Variants in KLHL14 observed in about 807,000 individuals in gnomAD.
KLHL14 encodes kelch-like protein 14.
A neutral mutation model predicts 64.3 loss-of-function variants in KLHL14; 22 were observed. The observed-to-expected ratio is 0.34, with a 90% CI of 0.24 to 0.49. The LOEUF (loss-of-function observed/expected upper bound fraction) is 0.49. Ranked by LOEUF, KLHL14 falls within the 20% of genes least tolerant of loss-of-function variation. KLHL14 has a pLI of 0.99. For synonymous variants in KLHL14, 322 were observed against 333.4 expected (o/e 0.97, Z 0.37); for missense variants, 661 against 789.0 (o/e 0.84, Z 1.94).
At chr18:32,764,231 C>T (rs139917262) in intron 2 of KLHL14, among the ~76,000 whole-genome samples, 85 of 152,222 alleles carry the variant, frequency 5.6e-4, no homozygotes, top group Middle Eastern at 3.4e-3. Context: ...ATTTAAGCCT[C>T]TTCTGAATAA....
rs1822325014 is a variant in KLHL14 at position 32,674,553 on chromosome 18, T to A, written c.*104A>T. 1.5e-6 allele frequency: 1 copy of A among 677,486 alleles called. No individual in the cohort carries two copies. Among genetic ancestry groups the A allele is most frequent in the Non-Finnish European group, 2.7e-6 (1 of 368,056 alleles). 42.0% of individuals were successfully genotyped at this position (677,486 alleles called of 1,614,324 possible). A position where few individuals can be genotyped will look rare whatever the true frequency, so the allele number is the denominator to read the frequency against. On this transcript the variant is annotated 3_prime_UTR_variant, in exon 9 of 9. Transcript: ENST00000359358. ...AAATCATCAGAAACCAAGGGTGGGT[T>A]TTGGCAGTTGTACCATTAGAATGCA...
At chr18:32,734,300 C>CT (rs1156444156) in intron 3 of KLHL14, 5 of 698,714 alleles carry the variant, frequency 7.2e-6, no homozygotes, top group Non-Finnish European at 1.3e-5. Flanking sequence ...CACTGCAGCT[C>CT]TTTCTTCTCC....
chr18:32,724,459 T>C (rs1171092020), intron 3 of KLHL14, among the ~76,000 whole-genome samples: 1 of 152,186 alleles, frequency 6.6e-6, no homozygotes, highest in Admixed American at 6.5e-5. Flanking sequence ...TTTAAAATCA[T>C]AGCAACCAGA....
intron 5 of KLHL14, among the ~76,000 whole-genome samples, chr18:32,686,736 G>A (rs1430640229): frequency 1.3e-5 from 2 of 151,794 alleles, no homozygotes; most frequent in Non-Finnish European, 2.9e-5. Context: ...TTTTAATATT[G>A]AATATTGAAT....
intron 3 of KLHL14, among the ~76,000 whole-genome samples, chr18:32,731,841 A>C (rs2030622): frequency 0.24 from 36,878 of 152,166 alleles, 4,678 homozygotes; most frequent in Middle Eastern, 0.32. Context: ...CATATTAAAA[A>C]TATCTGAGGG....
At chr18:32,691,458 T>C (rs1180234577) in intron 4 of KLHL14, among the ~76,000 whole-genome samples, 1 of 152,104 alleles carries the variant, frequency 6.6e-6, no homozygotes, top group Admixed American at 6.6e-5. Context: ...GTGACAGGAT[T>C]GCTCAAAGTC....
chr18:32,690,156 C>T (rs1207360113), intron 4 of KLHL14, among the ~76,000 whole-genome samples: 1 of 152,068 alleles, frequency 6.6e-6, no homozygotes, highest in East Asian at 1.9e-4. Flanking sequence ...GCCATAGAAG[C>T]TAAGCTCAGT....
chr18:32,737,851 A>T (rs940780185), intron 3 of KLHL14: 7 of 152,170 alleles, frequency 4.6e-5, no homozygotes, highest in Non-Finnish European at 7.4e-5. Flanking sequence ...ACAAAAAGGC[A>T]TTTCCTCTAT....
At chr18:32,715,817 G>C (rs1056477433) in intron 3 of KLHL14, among the ~76,000 whole-genome samples, 13 of 152,152 alleles carry the variant, frequency 8.5e-5, no homozygotes, top group African/African-American at 3.1e-4. Context: ...AATAGTCAAA[G>C]ATGATTGTAG....
At chr18:32,684,813 T>A (rs1248061883) in intron 5 of KLHL14, among the ~76,000 whole-genome samples, 1 of 152,086 alleles carries the variant, frequency 6.6e-6, no homozygotes, top group Non-Finnish European at 1.5e-5. Context: ...CCTCCTTTTT[T>A]AAACCACCAA....
intron 1 of KLHL14, among the ~76,000 whole-genome samples, chr18:32,771,853 G>A (rs1474896499): frequency 2.0e-5 from 3 of 151,942 alleles, no homozygotes; most frequent in Admixed American, 1.3e-4. Context: ...ACCCAGCATC[G>A]TCGCCTGCAG....
intron 4 of KLHL14, among the ~76,000 whole-genome samples, chr18:32,688,961 A>G (rs759009439): frequency 1.3e-5 from 2 of 152,212 alleles, no homozygotes; most frequent in Non-Finnish European, 2.9e-5. Flanking sequence ...GCATAGCCAA[A>G]TAAAATTTCC....
chr18:32,692,689 T>C (rs564183164), intron 4 of KLHL14, among the ~76,000 whole-genome samples: 1 of 152,310 alleles, frequency 6.6e-6, no homozygotes, highest in East Asian at 1.9e-4. Context: ...ACCAAATACA[T>C]ATGTTTACGT....
chr18:32,726,690 T>G (rs1176658899), intron 3 of KLHL14, among the ~76,000 whole-genome samples: 1 of 151,910 alleles, frequency 6.6e-6, no homozygotes, highest in Non-Finnish European at 1.5e-5. Context: ...AAGAAAAAAT[T>G]GGCATAGCAA....
intron 2 of KLHL14, among the ~76,000 whole-genome samples, chr18:32,768,240 G>C (rs1269143907): frequency 6.6e-6 from 1 of 152,112 alleles, no homozygotes; most frequent in Non-Finnish European, 1.5e-5. Context: ...ACAGATGTTA[G>C]AAAAATGAAC....
At chr18:32,738,543 G>A (rs932591359) in intron 3 of KLHL14, 1 of 152,014 alleles carries the variant, frequency 6.6e-6, no homozygotes, top group African/African-American at 2.4e-5. Context: ...ACAAAAAGAC[G>A]TTGCAGTCAT....
chr18:32,770,416 C>T lies in KLHL14; in HGVS notation c.176G>A (p.Arg59Gln), dbSNP rs749190889. The change falls in exon 2 of 9, where the codon CGA becomes CAA. Residue 59 changes from arginine (R) to glutamine (Q), a missense_variant. Around this residue, in one of 2 missense-constraint regions of KLHL14, gnomAD observed 331 missense variants for 339.0 expected, o/e 0.98. Coordinates refer to ENST00000359358, the MANE Select transcript of KLHL14 (RefSeq NM_020805.3). This position sits in a 1 kb window ranked among gnomAD's most constrained non-coding sequence, Gnocchi z 6.7. The stretch of plus-strand genomic sequence containing the variant: ...AGGGGGGTGGCTGGAGAAGAGCGAT[C>T]GGAAGTACTGCGAGCAGGAGGCCAG... ...AVLASCSQYFRSLFSSHPPLG... is the reference protein window; with the variant it reads ...AVLASCSQYFQSLFSSHPPLG... 43 of 1,604,576 alleles carry T rather than the reference C, an allele frequency of 2.7e-5. No individual in the cohort carries two copies. The highest frequency in any genetic ancestry group is 3.5e-5 in the Non-Finnish European group (41 of 1,174,756).
chr18:32,748,328 TAATTTTTGTATTTTG>T (rs2144536720), intron 2 of KLHL14, among the ~76,000 whole-genome samples: 1 of 151,818 alleles, frequency 6.6e-6, no homozygotes, highest in South Asian at 2.1e-4. Context: ...AATTTCCGGC[TAATTTTTGTATTTTG>T]TATTTTTGTA....
intron 3 of KLHL14, among the ~76,000 whole-genome samples, chr18:32,716,069 C>T (rs1406358605): frequency 6.6e-6 from 1 of 152,070 alleles, no homozygotes; most frequent in Non-Finnish European, 1.5e-5. Context: ...ATTCATCTGA[C>T]ATTTAGAAGT....
Sources: allele counts gnomAD v4.1 joint callset (sites outside exome capture counted in the v4.1 genomes callset), GRCh38; gene constraint gnomAD v4.1.1; regional missense constraint gnomAD v4.1.1; non-coding constraint Gnocchi (gnomAD v3.1); transcripts MANE v1.5; gene names NCBI Gene and HGNC (gene_info 2026-07-23, HGNC 2026-07-21).